FBN2: variants seen among roughly 807,000 people sequenced by gnomAD.
The protein encoded by FBN2 is fibrillin 2.
FBN2 carries 105 observed loss-of-function variants against 355.6 expected under a neutral mutation model. That is an observed-to-expected ratio of 0.30 (90% CI 0.25 to 0.35). The LOEUF (loss-of-function observed/expected upper bound fraction) is 0.35, where lower values mean the gene tolerates loss of function less well. Ranked by LOEUF, FBN2 falls within the 10% of genes least tolerant of loss-of-function variation. The probability of loss-of-function intolerance (pLI) is 1.00; values close to 1 mark genes in which losing one functional copy is unlikely to be tolerated. For synonymous variants in FBN2, 1,350 were observed against 1,301.2 expected (o/e 1.04, Z -0.81); for missense variants, 3,280 against 3,758.7 (o/e 0.87, Z 3.33).
chr5:128,496,887 A>G (rs1449418494), intron 5 of FBN2, among the ~76,000 whole-genome samples: 2 of 151,996 alleles, frequency 1.3e-5, no homozygotes, highest in African/African-American at 4.8e-5. Context: ...ACAAAACTCA[A>G]CTGCATTACT....
intron 5 of FBN2, among the ~76,000 whole-genome samples, chr5:128,505,962 T>C (rs915546420): frequency 2.0e-5 from 3 of 152,184 alleles, no homozygotes; most frequent in African/African-American, 7.2e-5. Context: ...TTTGTATGAA[T>C]ATAAGCTTTC....
At chr5:128,324,966 C>G (rs767251257) in intron 34 of FBN2, among the ~76,000 whole-genome samples, 1 of 151,968 alleles carries the variant, frequency 6.6e-6, no homozygotes, top group Non-Finnish European at 1.5e-5. Flanking sequence ...GCACTGTGGT[C>G]GGAGAGACTG....
chr5:128,440,143 T>C (rs1753879704), intron 7 of FBN2, among the ~76,000 whole-genome samples: 1 of 152,230 alleles, frequency 6.6e-6, no homozygotes, highest in African/African-American at 2.4e-5. Flanking sequence ...CATGTTTTAG[T>C]ATCTAAAATG....
intron 5 of FBN2, among the ~76,000 whole-genome samples, chr5:128,470,942 C>G (rs889488181): frequency 6.6e-6 from 1 of 151,868 alleles, no homozygotes; most frequent in Non-Finnish European, 1.5e-5. Context: ...TATGCTGTAA[C>G]TGCAAGTCAG....
chr5:128,441,616 T>C (rs1279940188), intron 7 of FBN2, among the ~76,000 whole-genome samples: 1 of 152,230 alleles, frequency 6.6e-6, no homozygotes, highest in East Asian at 1.9e-4. Flanking sequence ...GTTCAATTAA[T>C]ACAGCTTTTA....
Position 128,274,580 on chromosome 5 carries a change from G to C in FBN2, c.7698C>G (p.His2566Gln). The C allele has an allele frequency of 6.3e-7, 1 of 1,597,416 alleles. No homozygotes were observed. Among genetic ancestry groups the C allele is most frequent in the Admixed American group, 1.7e-5 (1 of 59,986 alleles). The change falls in exon 60 of 65, where the codon CAC becomes CAG. Residue 2566 changes from histidine to glutamine, a missense_variant. Transcript: ENST00000262464. The part of the protein sequence containing the change: ...CKCPPGFTQH[H>Q]TACIDNNECG... ...ACTTTGTCTTACCGATACAAGCAGT[G>C]TGATGCTGTGTGAAACCAGGTGGAC... is the stretch of plus-strand genomic sequence containing the variant.
chr5:128,523,965 AT>A (rs951475565), intron 4 of FBN2, among the ~76,000 whole-genome samples: 7 of 150,880 alleles, frequency 4.6e-5, no homozygotes, highest in Admixed American at 6.6e-5. Flanking sequence ...CAGACAGGTG[AT>A]TTTTTTTTAA....
intron 34 of FBN2, among the ~76,000 whole-genome samples, chr5:128,319,830 T>C (rs961974851): frequency 1.6e-4 from 24 of 152,288 alleles, no homozygotes; most frequent in South Asian, 2.1e-4. Flanking sequence ...GCTGTGGAAA[T>C]AATCTGAATT....
intron 11 of FBN2, among the ~76,000 whole-genome samples, chr5:128,386,874 C>T (rs189333617): frequency 6.6e-6 from 1 of 152,058 alleles, no homozygotes; most frequent in Non-Finnish European, 1.5e-5. Context: ...CATCTATGTT[C>T]GTCAAGGATA....
At chr5:128,461,433 G>A (rs1489632768) in intron 6 of FBN2, among the ~76,000 whole-genome samples, 3 of 152,206 alleles carry the variant, frequency 2.0e-5, no homozygotes, top group East Asian at 3.8e-4. Context: ...CATTGTGGAA[G>A]ACAGTATGGC....
chr5:128,304,049 C>T (rs933711144), intron 45 of FBN2, among the ~76,000 whole-genome samples: 1 of 152,092 alleles, frequency 6.6e-6, no homozygotes, highest in African/African-American at 2.4e-5. Flanking sequence ...CAGGTATTCC[C>T]TGTTGTATGG....
intron 11 of FBN2, among the ~76,000 whole-genome samples, chr5:128,381,690 G>A (rs1752238910): frequency 6.6e-6 from 1 of 152,076 alleles, no homozygotes; most frequent in South Asian, 2.1e-4. Context: ...CAAGCCTGCT[G>A]CTGGGGCTTT....
At chr5:128,468,438 T>C (rs752519159) in intron 5 of FBN2, among the ~76,000 whole-genome samples, 9 of 152,240 alleles carry the variant, frequency 5.9e-5, no homozygotes, top group Non-Finnish European at 1.0e-4. Context: ...TTTCTCTTGG[T>C]AGTTATTTAA....
intron 8 of FBN2, among the ~76,000 whole-genome samples, chr5:128,402,746 A>C (rs1166693462): frequency 6.6e-6 from 1 of 152,224 alleles, no homozygotes; most frequent in Non-Finnish European, 1.5e-5. Context: ...CCATTGTCTC[A>C]TGCTTGTCTC....
intron 5 of FBN2, among the ~76,000 whole-genome samples, chr5:128,480,385 C>A (rs1755148656): frequency 6.6e-6 from 1 of 151,910 alleles, no homozygotes; most frequent in South Asian, 2.1e-4. Context: ...AGCCAGAATT[C>A]TAGCTTCACC....
chr5:128,336,066 A>AT lies in FBN2; in HGVS notation c.3645dup (p.Cys1216MetfsTer29). ...TGATAGGTTCCAATCATGTTCACACATTTTCCATTTCTGCAGAGATTGTCA... is the reference window on the plus strand; with the variant it reads ...TGATAGGTTCCAATCATGTTCACACATTTTTCCATTTCTGCAGAGATTGTCA... On this transcript the variant is annotated frameshift_variant, in exon 28 of 65. Transcript: ENST00000262464. LOFTEE classifies it high-confidence loss of function. The AT allele has an allele frequency of 6.2e-7, 1 of 1,613,698 alleles. No homozygotes were observed. The highest frequency in any genetic ancestry group is 8.5e-7 in the Non-Finnish European group (1 of 1,179,652).
At chr5:128,315,053 T>C (rs534211502) in intron 36 of FBN2, among the ~76,000 whole-genome samples, 19 of 152,332 alleles carry the variant, frequency 1.2e-4, no homozygotes, top group African/African-American at 4.3e-4. Context: ...AAAGGAATTG[T>C]TGATTCACAG....
At position 128,358,170 on chromosome 5, in the gene FBN2, A is replaced by G. The variant is rs1751551776; in HGVS notation, c.2555-775T>C. ...TGATTACAGAAAATGTCAAGCCTGT[A>G]ATGTGAAATAGTTTAACACATGAGT... On this transcript the variant is annotated intron_variant, in intron 19 of 64. Coordinates refer to ENST00000262464, the MANE Select transcript of FBN2 (RefSeq NM_001999.4). 2.0e-5 allele frequency among the ~76,000 whole-genome samples: 3 copies of G among 152,292 alleles called. No homozygotes were observed. The South Asian group carries it at 6.2e-4, about 32-fold the overall frequency.
At chr5:128,423,087 A>C (rs1031806121) in intron 7 of FBN2, among the ~76,000 whole-genome samples, 20 of 152,254 alleles carry the variant, frequency 1.3e-4, no homozygotes, top group Middle Eastern at 3.4e-3. Context: ...TCTACAGCAG[A>C]AATAGTGAAA....
Sources: allele counts gnomAD v4.1 joint callset (sites outside exome capture counted in the v4.1 genomes callset), GRCh38; gene constraint gnomAD v4.1.1; transcripts MANE v1.5; gene names NCBI Gene and HGNC (gene_info 2026-07-23, HGNC 2026-07-21).